PLPP4: variants seen among roughly 807,000 people sequenced by gnomAD.
PLPP4 encodes the protein diacylglycerol pyrophosphate like 2.
PLPP4 carries 20 observed loss-of-function variants against 32.2 expected under a neutral mutation model. The ratio of observed to expected loss-of-function variants is 0.62; its 90% CI spans 0.44 to 0.90. The LOEUF is 0.90. Ranked by LOEUF, PLPP4 falls within the 40% of genes least tolerant of loss-of-function variation. PLPP4 has a pLI of 0.00. For missense variants in PLPP4, 257 were observed against 353.1 expected (o/e 0.73, Z 2.18); for synonymous variants, 127 against 133.0 (o/e 0.95, Z 0.31).
At chr10:120,551,339 A>G (rs986886742) in intron 5 of PLPP4, among the ~76,000 whole-genome samples, 3 of 152,206 alleles carry the variant, frequency 2.0e-5, no homozygotes, top group African/African-American at 4.8e-5. Flanking sequence ...TAAAGTAATC[A>G]TATACTTATC....
chr10:120,519,862 G>A (rs1846080060), intron 4 of PLPP4, among the ~76,000 whole-genome samples: 1 of 152,186 alleles, frequency 6.6e-6, no homozygotes, highest in Non-Finnish European at 1.5e-5. Flanking sequence ...TGAATGTGAG[G>A]TGATAGGCCA....
rs146022842 is a variant in PLPP4 at position 120,471,471 on chromosome 10, C to T, written c.56+14110C>T. The stretch of plus-strand genomic sequence containing the variant: ...ATTGTATCTCCTTCTGATGCTTGAG[C>T]TTTTATTATTATAAAATTTCTATTT... On this transcript the variant is annotated intron_variant, in intron 1 of 6. Coordinates refer to ENST00000398250, the MANE Select transcript of PLPP4 (RefSeq NM_001030059.3). 3.9e-3 allele frequency among the ~76,000 whole-genome samples: 593 copies of T among 151,938 alleles called. 4 individuals are homozygous for T. The highest frequency in any genetic ancestry group is 6.7e-3 in the Non-Finnish European group (457 of 67,884).
At chr10:120,533,367 G>A (rs1256269866) in intron 5 of PLPP4, among the ~76,000 whole-genome samples, 1 of 152,038 alleles carries the variant, frequency 6.6e-6, no homozygotes, top group African/African-American at 2.4e-5. Context: ...CCGGTTTTGT[G>A]TCTTTTTATC....
At position 120,540,863 on chromosome 10, in the gene PLPP4, G is replaced by A. The variant is rs188690607; in HGVS notation, c.445+19768G>A. On this transcript the variant is annotated intron_variant, in intron 5 of 6. Transcript: ENST00000398250. ...ATGAGAAGTGAGAGCATTTCTGAGC[G>A]GAACACCCTCCAGTGCACTTGCCTG... 1.0e-3 allele frequency among the ~76,000 whole-genome samples: 154 copies of A among 152,278 alleles called. 1 individual carries two copies. The highest frequency in any genetic ancestry group is 1.5e-4 in the Non-Finnish European group (10 of 68,024).
chr10:120,574,160 ACACACACACTCTCTCTCTCTCTCTCTCT>A (rs1373418234), intron 5 of PLPP4, among the ~76,000 whole-genome samples: 306 of 117,602 alleles, frequency 2.6e-3, no homozygotes, highest in Non-Finnish European at 3.8e-3. Flanking sequence ...ACACACACAC[ACACACACACTCTCTCTCTCTCTCTCTCT>A]CTCTCTCTCT....
chr10:120,519,142 T>A (rs1846051161), intron 4 of PLPP4, among the ~76,000 whole-genome samples: 2 of 152,224 alleles, frequency 1.3e-5, no homozygotes, highest in Non-Finnish European at 2.9e-5. Context: ...CAAAGCTTAC[T>A]GCTGGCATTT....
At chr10:120,462,510 G>A (rs1264978275) in intron 1 of PLPP4, among the ~76,000 whole-genome samples, 1 of 152,168 alleles carries the variant, frequency 6.6e-6, no homozygotes, top group South Asian at 2.1e-4. Flanking sequence ...ACTGCGTTGT[G>A]GTCAGCCATC....
intron 5 of PLPP4, among the ~76,000 whole-genome samples, chr10:120,540,974 G>T (rs937281655): frequency 6.6e-6 from 1 of 152,156 alleles, no homozygotes; most frequent in African/African-American, 2.4e-5. Context: ...TAACTTTAGA[G>T]TTTCTGGTCT....
intron 3 of PLPP4, among the ~76,000 whole-genome samples, chr10:120,515,590 T>C (rs1845903192): frequency 1.3e-5 from 2 of 152,228 alleles, no homozygotes; most frequent in South Asian, 2.1e-4. Context: ...GTCAGGTGTG[T>C]ACCGCAGGCT....
chr10:120,520,838 T>G, intron 4 of PLPP4, 133 bp from the exon 5 acceptor site: 3 of 1,069,776 alleles, frequency 2.8e-6, no homozygotes, highest in Non-Finnish European at 4.1e-6. Flanking sequence ...GAGTATTCTG[T>G]GAGGAGCTCC....
At position 120,457,356 on chromosome 10, in the gene PLPP4, C is replaced by T. The variant is rs754763750; in HGVS notation, c.51C>T (p.Val17=). ...GGGTGCGAGCCCTGCTCTTCGGAGT[C>T]TTCGTGTAAGTAGTGGCGCACCGCG... ...EIGVRALLFG[V]FVFTEFLDPF... is the part of the protein sequence containing the mutation. The change falls in exon 1 of 7, where the codon GTC becomes GTT. Residue 17 remains valine, a synonymous_variant. Coordinates refer to ENST00000398250, the MANE Select transcript of PLPP4 (RefSeq NM_001030059.3). 1.3e-5 allele frequency: 20 copies of T among 1,534,310 alleles called. No homozygotes were observed. The Admixed American group carries it at 2.5e-4, about 19-fold the overall frequency.
intron 1 of PLPP4, among the ~76,000 whole-genome samples, chr10:120,494,020 T>G (rs1844843657): frequency 6.6e-6 from 1 of 152,124 alleles, no homozygotes; most frequent in Non-Finnish European, 1.5e-5. Flanking sequence ...TGAGACTCAC[T>G]ATTCTGAGAT....
At chr10:120,575,344 C>T (rs762566112) in intron 6 of PLPP4, 43 bp downstream of exon 6, 5 of 1,586,090 alleles carry the variant, frequency 3.2e-6, no homozygotes, top group Non-Finnish European at 4.3e-6. Flanking sequence ...ACTGTGGTTG[C>T]CCCTCTCCTC....
At chr10:120,544,468 C>T (rs532528838) in intron 5 of PLPP4, among the ~76,000 whole-genome samples, 11 of 152,144 alleles carry the variant, frequency 7.2e-5, no homozygotes, top group Non-Finnish European at 1.2e-4. Flanking sequence ...CTTCCTGCCC[C>T]GCAACACAGA....
intron 1 of PLPP4, among the ~76,000 whole-genome samples, chr10:120,499,751 T>C (rs1419892952): frequency 2.0e-5 from 3 of 152,128 alleles, no homozygotes; most frequent in African/African-American, 7.2e-5. Flanking sequence ...CCTGGACATA[T>C]TAAAGTTTGG....
intron 5 of PLPP4, among the ~76,000 whole-genome samples, chr10:120,567,961 A>C (rs1848764297): frequency 6.6e-6 from 1 of 152,216 alleles, no homozygotes; most frequent in Non-Finnish European, 1.5e-5. Flanking sequence ...GTCTTTCATG[A>C]TAGGGAATTT....
At position 120,518,863 on chromosome 10, in the gene PLPP4, T is replaced by G. The variant is rs748066092; in HGVS notation, c.287T>G (p.Val96Gly). The G allele has an allele frequency of 6.2e-7, 1 of 1,612,942 alleles. No homozygotes were observed. Among genetic ancestry groups the G allele is most frequent in the South Asian group, 1.1e-5 (1 of 90,760 alleles). Residue 96 changes from valine (V) to glycine (G), a missense_variant, in exon 4 of 7, where the codon GTC (valine) becomes GGC (glycine). Physicochemically the swap from Val to Gly is moderately radical, Grantham distance 109. Transcript: ENST00000398250. ...TCCTTGGCTCTTGCTTTGAATGGAG[T>G]CTGCACAAACACTATTAAATTAATA... ...AVSLALALNGVCTNTIKLIVG... is the reference protein window; with the variant it reads ...AVSLALALNGGCTNTIKLIVG...
In PLPP4 at chr10:120,590,200, C is replaced by T. The variant is rs1393506251; in HGVS notation, c.*698C>T. ...GCCTGAGGGTTCATGGGCACAATAT[C>T]CTTCCCATCTTCCAGTCTAAGTTTA... On this transcript the variant is annotated 3_prime_UTR_variant, in exon 7 of 7. Coordinates refer to ENST00000398250, the MANE Select transcript of PLPP4 (RefSeq NM_001030059.3). Among the ~76,000 whole-genome samples the T allele has an allele frequency of 6.6e-6, 1 of 152,310 alleles. No individual in the cohort carries two copies. Among genetic ancestry groups the T allele is most frequent in the East Asian group, 1.9e-4 (1 of 5,180 alleles).
chr10:120,458,057 A>G (rs967889605), intron 1 of PLPP4, among the ~76,000 whole-genome samples: 7 of 152,172 alleles, frequency 4.6e-5, no homozygotes, highest in African/African-American at 1.7e-4. Context: ...GATCCCGAAA[A>G]GAAGAAGGGG....
Sources: gnomAD v4.1 joint callset for allele counts (sites outside exome capture counted in the v4.1 genomes callset) on GRCh38, gnomAD v4.1.1 for gene constraint, MANE v1.5 for transcripts, NCBI Gene and HGNC (gene_info 2026-07-23, HGNC 2026-07-21) for gene names.